The following FREM1 variants were observed in gnomAD, a reference collection of about 807,000 sequenced individuals.
FREM1 encodes FRAS1-related extracellular matrix protein 1.
Under a neutral mutation model 210.1 loss-of-function variants are expected in FREM1, and 220 were observed. That is an observed-to-expected ratio of 1.05 (90% CI 0.94 to 1.17). The LOEUF is 1.17. Among genes scored for constraint, FREM1 ranks in the 50% most tolerant of loss-of-function variants. The pLI is 0.00. For synonymous variants in FREM1, 1,189 were observed against 980.2 expected (o/e 1.21, Z -3.98); for missense variants, 3,454 against 2,675.5 (o/e 1.29, Z -6.42).
At chr9:14,824,645 GA>G in intron 11 of FREM1, 150 bp downstream of exon 11, 1 of 579,266 alleles carries the variant, frequency 1.7e-6, no homozygotes, top group Non-Finnish European at 2.9e-6. Flanking sequence ...AGTTGTTTGA[GA>G]AAAAAGTAAA....
chr9:14,898,421 A>T (rs1288772846), intron 1 of FREM1, among the ~76,000 whole-genome samples: 1 of 152,142 alleles, frequency 6.6e-6, no homozygotes, highest in African/African-American at 2.4e-5. Context: ...GTGATGGTGG[A>T]TATATGTCAT....
At chr9:14,771,310 G>A (rs1235942543) in intron 25 of FREM1, among the ~76,000 whole-genome samples, 1 of 151,974 alleles carries the variant, frequency 6.6e-6, no homozygotes, top group Non-Finnish European at 1.5e-5. Flanking sequence ...AATTTTTTTG[G>A]CATGTCTTTT....
chr9:14,780,449 A>AAAAAAAAAAAAAAAAAAAAAAAAAAC (rs1563912464), intron 24 of FREM1, among the ~76,000 whole-genome samples: 1 of 151,280 alleles, frequency 6.6e-6, no homozygotes, highest in Non-Finnish European at 1.5e-5. Context: ...AAAAAAAAAA[A>AAAAAAAAAAAAAAAAAAAAAAAAAAC]AGTCCAGCCG....
intron 27 of FREM1, among the ~76,000 whole-genome samples, chr9:14,760,839 C>G (rs904421324): frequency 2.0e-5 from 3 of 152,132 alleles, no homozygotes. Context: ...GAAACATTTT[C>G]CTTTTTGAGG....
intron 22 of FREM1, 88 bp downstream of exon 22, chr9:14,792,655 G>A: frequency 9.8e-7 from 1 of 1,024,832 alleles, no homozygotes; most frequent in East Asian, 2.6e-5. Flanking sequence ...GTCTATCAGA[G>A]AATAAATCCC....
At chr9:14,829,564 G>T (rs1312304328) in intron 10 of FREM1, among the ~76,000 whole-genome samples, 2 of 152,244 alleles carry the variant, frequency 1.3e-5, no homozygotes, top group Non-Finnish European at 1.5e-5. Context: ...AGGGCTTGAG[G>T]CTGCAAGTTC....
At position 14,737,956 on chromosome 9, in the gene FREM1, A is replaced by G. The variant is rs922084905; in HGVS notation, c.6341-361T>C. Among the ~76,000 whole-genome samples, 8 of 152,170 alleles carry G rather than the reference A, an allele frequency of 5.3e-5. No homozygotes were observed. In the East Asian group the frequency reaches 1.2e-3, roughly 22 times the overall value. ...TATAAGTGTTTAATAAATGGCAGCT[A>G]TTATTATTATTCATATCATCCTACA... On this transcript the variant is annotated intron_variant, in intron 36 of 36. Coordinates refer to ENST00000380880, the MANE Select transcript of FREM1 (RefSeq NM_001379081.2).
rs779366724 is a variant in FREM1 at position 14,851,332 on chromosome 9, G to A, written c.1104C>T (p.Ile368=). ...GGCTGCTGTTTGGTGGCTGATAGGC[G>A]ATCTGCATGTCACTGAGATCTTTCC... ...FTWKDLSDMQ[I]AYQPPNSSHS... The change falls in exon 6 of 37, where the codon ATC becomes ATT. Residue 368 remains isoleucine (I), a synonymous_variant. Coordinates refer to ENST00000380880, the MANE Select transcript of FREM1 (RefSeq NM_001379081.2). 20 of 1,608,570 alleles carry A rather than the reference G, an allele frequency of 1.2e-5. No individual in the cohort carries two copies. The highest frequency in any genetic ancestry group is 1.2e-4 in the African/African-American group (9 of 74,788).
intron 19 of FREM1, among the ~76,000 whole-genome samples, chr9:14,803,958 C>G (rs1442066618): frequency 1.3e-5 from 2 of 152,088 alleles, no homozygotes; most frequent in Non-Finnish European, 2.9e-5. Context: ...CTTCATAGAG[C>G]TTGACTAAAA....
chr9:14,757,557 A>C (rs112133137), intron 28 of FREM1, among the ~76,000 whole-genome samples: 6 of 152,336 alleles, frequency 3.9e-5, no homozygotes, highest in African/African-American at 1.4e-4. Context: ...TCCATCTCAA[A>C]AAACAAAAAA....
rs750566701 is a variant in FREM1, at chr9:14,808,136, T to C, written c.2894-2A>G. ...AAGGCATCAGGCCAATCTCGCCACC[T>C]GGAAGACACAACTATAGCTGAAACC... is the stretch of plus-strand genomic sequence containing the variant. On this transcript the variant is annotated splice_acceptor_variant, in intron 16 of 36. Coordinates refer to ENST00000380880, the MANE Select transcript of FREM1 (RefSeq NM_001379081.2). LOFTEE classifies it high-confidence loss of function. The C allele has an allele frequency of 6.3e-7, 1 of 1,580,200 alleles. No individual in the cohort carries two copies. The highest frequency in any genetic ancestry group is 1.8e-5 in the Admixed American group (1 of 56,846).
intron 3 of FREM1, among the ~76,000 whole-genome samples, chr9:14,860,528 G>C (rs1181838225): frequency 1.2e-5 from 1 of 83,108 alleles, no homozygotes; most frequent in Non-Finnish European, 2.3e-5. Context: ...GTACGTAGTA[G>C]GTATGTATAT....
At chr9:14,813,429 T>G (rs1278675770) in intron 15 of FREM1, among the ~76,000 whole-genome samples, 1 of 152,224 alleles carries the variant, frequency 6.6e-6, no homozygotes, top group Non-Finnish European at 1.5e-5. Context: ...ATTCTGGTCC[T>G]TGTGGTCCAA....
intron 29 of FREM1, among the ~76,000 whole-genome samples, chr9:14,753,349 T>C (rs1317569174): frequency 6.6e-6 from 1 of 152,258 alleles, no homozygotes; most frequent in Non-Finnish European, 1.5e-5. Flanking sequence ...GGAAAACATT[T>C]TGACTCTAAG....
At chr9:14,811,532 C>A (rs1036012737) in intron 16 of FREM1, among the ~76,000 whole-genome samples, 1 of 152,140 alleles carries the variant, frequency 6.6e-6, no homozygotes, top group Non-Finnish European at 1.5e-5. Flanking sequence ...ATCAAACATA[C>A]GAACTACGCT....
chr9:14,880,872 C>T lies in FREM1; in HGVS notation c.-267-11628G>A, dbSNP rs190662742. Among the ~76,000 whole-genome samples the T allele has an allele frequency of 6.6e-5, 10 of 152,196 alleles. No homozygotes were observed. The East Asian group carries it at 7.7e-4, about 12-fold the overall frequency. ...TCATCATGTAATTATGTTGCTTAAC[C>T]GAAAATAAATTGAAGAAAGTCACCA... On this transcript the variant is annotated intron_variant, in intron 1 of 36. Coordinates refer to ENST00000380880, the MANE Select transcript of FREM1 (RefSeq NM_001379081.2).
rs535159763 is a variant in FREM1 at position 14,885,175 on chromosome 9, C to T, written c.-267-15931G>A. 1.1e-3 allele frequency among the ~76,000 whole-genome samples: 170 copies of T among 151,964 alleles called. 2 individuals are homozygous for T. The highest frequency in any genetic ancestry group is 2.1e-3 in the Admixed American group (32 of 15,274). The stretch of plus-strand genomic sequence containing the variant: ...TCCTGAGCTCGTGATCCACCCGCCT[C>T]GGCCTCCCCATCATTGCTTTTTATT... On this transcript the variant is annotated intron_variant, in intron 1 of 36. Coordinates refer to ENST00000380880, the MANE Select transcript of FREM1 (RefSeq NM_001379081.2).
chr9:14,831,937 G>C (rs1228534021), intron 10 of FREM1, among the ~76,000 whole-genome samples: 1 of 152,158 alleles, frequency 6.6e-6, no homozygotes, highest in Non-Finnish European at 1.5e-5. Context: ...AATAGCTGGG[G>C]GGACGCCCTC....
chr9:14,816,754 C>A (rs1820378702), intron 15 of FREM1, 24 bp downstream of exon 15: 4 of 1,287,074 alleles, frequency 3.1e-6, no homozygotes, highest in Non-Finnish European at 4.1e-6. Flanking sequence ...AGACAATAAC[C>A]CAGGGAAGAA....
Sources: allele counts gnomAD v4.1 joint callset (sites outside exome capture counted in the v4.1 genomes callset), GRCh38; gene constraint gnomAD v4.1.1; transcripts MANE v1.5; gene names NCBI Gene and HGNC (gene_info 2026-07-23, HGNC 2026-07-21).